Variants in DEPDC5 observed in about 807,000 individuals in gnomAD.
The protein encoded by DEPDC5 is GATOR1 complex protein DEPDC5.
Under a neutral mutation model 217.3 loss-of-function variants are expected in DEPDC5, and 73 were observed. The observed-to-expected ratio is 0.34, with a 90% CI of 0.28 to 0.41. DEPDC5 has a LOEUF of 0.41. Ranked by LOEUF, DEPDC5 falls within the 10% of genes least tolerant of loss-of-function variation. DEPDC5 has a pLI of 1.00. For missense variants in DEPDC5, 1,675 were observed against 2,070.1 expected (o/e 0.81, Z 3.70); for synonymous variants, 733 against 756.7 (o/e 0.97, Z 0.51).
chr22:31,847,399 A>G (rs374286816), intron 31 of DEPDC5, among the ~76,000 whole-genome samples: 14 of 152,004 alleles, frequency 9.2e-5, no homozygotes, highest in African/African-American at 3.1e-4. Context: ...CCATTCTCAC[A>G]CTGCTAATAA....
At chr22:31,791,952 G>C (rs878931236) in intron 10 of DEPDC5, 81 bp from the exon 11 acceptor site, 2 of 209,988 alleles carry the variant, frequency 9.5e-6, no homozygotes, top group Non-Finnish European at 1.7e-5. Context: ...AAAAAAAAAA[G>C]AATATTATAT....
intron 34 of DEPDC5, among the ~76,000 whole-genome samples, chr22:31,870,995 A>G (rs2092826249): frequency 6.6e-6 from 1 of 152,220 alleles, no homozygotes; most frequent in South Asian, 2.1e-4. Context: ...ACACAGGAGT[A>G]CAGGGCTTCC....
Position 31,873,297 on chromosome 22 carries a change from C to A in DEPDC5, c.3528C>A (p.Thr1176=). Residue 1176 remains threonine, a synonymous_variant, in exon 35 of 43, where the codon ACC becomes ACA. Coordinates refer to ENST00000651528, the MANE Select transcript of DEPDC5 (RefSeq NM_001242896.3). ...CAAGCTCCTTGACCTCATCCTCTAC[C>A]CTGACAGAGATCCTGGAAGCCATGA... is the stretch of plus-strand genomic sequence containing the variant. ...LVASSLTSSS[T]LTEILEAMKH... 1 of 1,614,040 alleles carries A rather than the reference C, an allele frequency of 6.2e-7. No individual in the cohort carries two copies. Among genetic ancestry groups the A allele is most frequent in the East Asian group, 2.2e-5 (1 of 44,862 alleles).
At chr22:31,872,927 G>T (rs1161919231) in intron 34 of DEPDC5, among the ~76,000 whole-genome samples, 3 of 151,864 alleles carry the variant, frequency 2.0e-5, no homozygotes, top group African/African-American at 7.3e-5. Flanking sequence ...GCTAATTTTT[G>T]TATTTTTAGT....
At chr22:31,771,968 G>A (rs1171830566) in intron 7 of DEPDC5, among the ~76,000 whole-genome samples, 1 of 151,986 alleles carries the variant, frequency 6.6e-6, no homozygotes, top group African/African-American at 2.4e-5. Context: ...GGGAGGCTGA[G>A]GTGGAAGGAT....
In DEPDC5 at chr22:31,815,032, A is replaced by G; in HGVS notation, c.1486A>G (p.Ser496Gly). ...AGAGAGTCACAGTCGAAAGAGTGCC[A>G]GCTCCTGTGATGTTTCATCCAGCCC... Reference protein sequence around the residue: ...ERESHSRKSASSCDVSSSPSL... With the variant: ...ERESHSRKSAGSCDVSSSPSL... The change falls in exon 21 of 43, where the codon AGC (serine) becomes GGC (glycine). Residue 496 changes from serine to glycine, a missense_variant. Around this residue, in one of 11 missense-constraint regions of DEPDC5, gnomAD observed 628 missense variants for 762.1 expected, o/e 0.82. Coordinates refer to ENST00000651528, the MANE Select transcript of DEPDC5 (RefSeq NM_001242896.3). 1 of 1,614,150 alleles carries G rather than the reference A, an allele frequency of 6.2e-7. No homozygotes were observed. The highest frequency in any genetic ancestry group is 8.5e-7 in the Non-Finnish European group (1 of 1,180,012).
intron 5 of DEPDC5, among the ~76,000 whole-genome samples, chr22:31,766,176 A>G (rs1251507115): frequency 6.6e-6 from 1 of 152,212 alleles, no homozygotes; most frequent in African/African-American, 2.4e-5. Flanking sequence ...CTTTCTATTA[A>G]AATACTAACA....
intron 29 of DEPDC5, 91 bp downstream of exon 29, chr22:31,843,903 T>G: frequency 7.7e-7 from 1 of 1,304,406 alleles, no homozygotes; most frequent in Non-Finnish European, 1.0e-6. Context: ...TCTCTCTCTC[T>G]CCCTTTTTCT....
intron 39 of DEPDC5, 116 bp downstream of exon 39, chr22:31,893,867 A>T: frequency 8.5e-7 from 1 of 1,177,690 alleles, no homozygotes; most frequent in Non-Finnish European, 1.1e-6. Flanking sequence ...ATTACCATTC[A>T]TCGGGACTAT....
At chr22:31,773,935 A>G (rs1325027158) in intron 7 of DEPDC5, among the ~76,000 whole-genome samples, 1 of 151,996 alleles carries the variant, frequency 6.6e-6, no homozygotes, top group Non-Finnish European at 1.5e-5. Flanking sequence ...GCTGAGCATG[A>G]TGGCAGGCTC....
At position 31,907,361 on chromosome 22, in the gene DEPDC5, C is replaced by CTGA. The variant is rs574657867; in HGVS notation, c.*865_*866insGAT. 12 of 151,918 alleles carry CTGA rather than the reference C, an allele frequency of 7.9e-5. No individual in the cohort carries two copies. The highest frequency in any genetic ancestry group is 1.3e-4 in the Non-Finnish European group (9 of 68,036). 9.4% of individuals were successfully genotyped at this position (151,918 alleles called of 1,614,324 possible). Reference sequence around the variant, plus strand: ...AATCAAAGGAAACATTTTGTAGACTCTAACTTAGGTTTTTTTTGTTGTTGT... The same window carrying CTGA: ...AATCAAAGGAAACATTTTGTAGACTCTGATAACTTAGGTTTTTTTTGTTGTTGT... On this transcript the variant is annotated 3_prime_UTR_variant, in exon 43 of 43. Transcript: ENST00000651528.
chr22:31,876,717 C>T (rs1343543170), intron 37 of DEPDC5, among the ~76,000 whole-genome samples: 1 of 152,132 alleles, frequency 6.6e-6, no homozygotes. Context: ...AGCAAGTTTT[C>T]CAAGTAATAT....
chr22:31,872,185 T>C (rs1326545655), intron 34 of DEPDC5, among the ~76,000 whole-genome samples: 2 of 152,104 alleles, frequency 1.3e-5, no homozygotes, highest in Non-Finnish European at 2.9e-5. Context: ...TAAGCACGTT[T>C]TAAGGGACCA....
chr22:31,846,808 G>T, intron 30 of DEPDC5, 26 bp from the exon 31 acceptor site: 1 of 1,614,120 alleles, frequency 6.2e-7, no homozygotes, highest in Non-Finnish European at 8.5e-7. Context: ...TTGGCTGATG[G>T]CCTTGTCTCC....
At chr22:31,870,817 G>C (rs1219138769) in intron 34 of DEPDC5, 73 bp downstream of exon 34, 1 of 1,417,096 alleles carries the variant, frequency 7.1e-7, no homozygotes, top group African/African-American at 1.5e-5. Context: ...TGCAGAGGCT[G>C]AAGTCCAAAG....
intron 20 of DEPDC5, 64 bp from the exon 21 acceptor site, chr22:31,814,928 G>C: frequency 1.3e-6 from 2 of 1,590,232 alleles, no homozygotes; most frequent in Non-Finnish European, 1.7e-6. Context: ...ATGGGTTTTA[G>C]TTTTAACTCA....
chr22:31,759,742 G>T (rs375629135), intron 3 of DEPDC5, among the ~76,000 whole-genome samples: 3 of 148,554 alleles, frequency 2.0e-5, no homozygotes, highest in African/African-American at 7.5e-5. Context: ...GAGTGCAGTG[G>T]TGCCACCTCG....
intron 33 of DEPDC5, among the ~76,000 whole-genome samples, chr22:31,868,871 C>T (rs1188164667): frequency 6.6e-6 from 1 of 152,190 alleles, no homozygotes; most frequent in Non-Finnish European, 1.5e-5. Flanking sequence ...TAGTCATTCT[C>T]TTCATATACT....
intron 12 of DEPDC5, among the ~76,000 whole-genome samples, chr22:31,795,065 A>ATTTTTTTTT (rs983604458): frequency 9.3e-6 from 1 of 107,370 alleles, no homozygotes; most frequent in Admixed American, 1.1e-4. Context: ...ATTCCATGTG[A>ATTTTTTTTT]TTTTTTTTTT....
Sources: allele counts gnomAD v4.1 joint callset (sites outside exome capture counted in the v4.1 genomes callset), GRCh38; gene constraint gnomAD v4.1.1; regional missense constraint gnomAD v4.1.1; transcripts MANE v1.5; gene names NCBI Gene and HGNC (gene_info 2026-07-23, HGNC 2026-07-21).